NCKAP5: variants seen among roughly 807,000 people sequenced by gnomAD.
The protein encoded by NCKAP5 is nck-associated protein 5.
NCKAP5 carries 92 observed loss-of-function variants against 167.0 expected under a neutral mutation model. That is an observed-to-expected ratio of 0.55 (90% CI 0.47 to 0.66). The LOEUF is 0.66. Among genes scored for constraint, NCKAP5 ranks in the 30% least tolerant of loss-of-function variants. NCKAP5 has a pLI of 0.00. For synonymous variants in NCKAP5, 891 were observed against 877.4 expected (o/e 1.02, Z -0.27); for missense variants, 2,378 against 2,315.0 (o/e 1.03, Z -0.56).
intron 3 of NCKAP5, among the ~76,000 whole-genome samples, chr2:133,484,917 T>C (rs769701792): frequency 6.6e-5 from 10 of 152,236 alleles, no homozygotes; most frequent in Non-Finnish European, 1.5e-4. Flanking sequence ...TCAAGAAATC[T>C]AGATGGTAGT....
intron 4 of NCKAP5, among the ~76,000 whole-genome samples, chr2:133,300,148 C>T (rs1680276465): frequency 1.6e-5 from 2 of 123,420 alleles, no homozygotes; most frequent in Admixed American, 8.1e-5. Flanking sequence ...AGTTTACCAA[C>T]CAAAAAGAGT....
chr2:133,463,036 T>C (rs1412083800), intron 3 of NCKAP5, among the ~76,000 whole-genome samples: 2 of 152,230 alleles, frequency 1.3e-5, no homozygotes, highest in African/African-American at 4.8e-5. Flanking sequence ...AATATCAACA[T>C]TGGTGCACAG....
the NCKAP5 span, among the ~76,000 whole-genome samples, chr2:133,658,443 G>T: frequency 1.3e-5 from 2 of 152,122 alleles, no homozygotes; most frequent in Non-Finnish European, 2.9e-5. Flanking sequence ...AGGCAATTTG[G>T]CTCTGACTCA....
At chr2:132,779,770 A>G (rs1682863711) in intron 15 of NCKAP5, among the ~76,000 whole-genome samples, 1 of 152,214 alleles carries the variant, frequency 6.6e-6, no homozygotes, top group Admixed American at 6.5e-5. Flanking sequence ...TCTAAACATC[A>G]ATAAGTATTT....
chr2:133,463,554 C>T (rs977694000), intron 3 of NCKAP5, among the ~76,000 whole-genome samples: 7 of 152,160 alleles, frequency 4.6e-5, no homozygotes, highest in Non-Finnish European at 7.3e-5. Flanking sequence ...GGCATGAGAA[C>T]TACTTGAAAT....
chr2:133,369,630 G>T (rs1685672863), intron 3 of NCKAP5, among the ~76,000 whole-genome samples: 1 of 152,074 alleles, frequency 6.6e-6, no homozygotes, highest in Non-Finnish European at 1.5e-5. Context: ...GCAAACACAG[G>T]GGGATTAAAA....
intron 8 of NCKAP5, among the ~76,000 whole-genome samples, chr2:132,933,485 A>ATTG (rs1430076257): frequency 2.1e-4 from 32 of 152,232 alleles, no homozygotes; most frequent in African/African-American, 6.3e-4. Flanking sequence ...TAGGAATCCA[A>ATTG]GGGAAATTTT....
intron 6 of NCKAP5, among the ~76,000 whole-genome samples, chr2:133,016,312 T>C (rs1002602493): frequency 1.1e-4 from 17 of 152,192 alleles, no homozygotes; most frequent in African/African-American, 3.6e-4. Context: ...ATTTTGCAAA[T>C]GGTTGGTAAT....
intron 5 of NCKAP5, among the ~76,000 whole-genome samples, chr2:133,140,797 A>G (rs2082968652): frequency 6.7e-6 from 1 of 149,082 alleles, no homozygotes; most frequent in Non-Finnish European, 1.5e-5. Flanking sequence ...TTATATTAAC[A>G]TTAATAAAAT....
intron 16 of NCKAP5, among the ~76,000 whole-genome samples, chr2:132,749,576 G>A (rs561141482): frequency 5.3e-5 from 8 of 152,206 alleles, no homozygotes; most frequent in South Asian, 2.1e-4. Flanking sequence ...TACCATCAAC[G>A]CACTACCAAG....
chr2:132,754,858 G>C (rs1680403851), intron 16 of NCKAP5, among the ~76,000 whole-genome samples: 2 of 152,196 alleles, frequency 1.3e-5, no homozygotes, highest in Admixed American at 1.3e-4. Flanking sequence ...AGATATTAGA[G>C]TGATTCAGTC....
At chr2:133,192,879 C>G (rs1415275428) in intron 5 of NCKAP5, among the ~76,000 whole-genome samples, 1 of 152,070 alleles carries the variant, frequency 6.6e-6, no homozygotes, top group Middle Eastern at 3.2e-3. Flanking sequence ...ACTTAGCACA[C>G]TGCAATCCCT....
chr2:133,556,336 A>T (rs1687734642), intron 2 of NCKAP5, among the ~76,000 whole-genome samples: 1 of 152,236 alleles, frequency 6.6e-6, no homozygotes, highest in Non-Finnish European at 1.5e-5. Flanking sequence ...TTCTAATATG[A>T]TATGGACTGT....
At chr2:133,082,708 T>C (rs1287487244) in intron 6 of NCKAP5, among the ~76,000 whole-genome samples, 1 of 152,144 alleles carries the variant, frequency 6.6e-6, no homozygotes, top group African/African-American at 2.4e-5. Context: ...GGAAAATAAC[T>C]GTCCCTGGTG....
At chr2:133,310,495 C>G (rs1307637613) in intron 3 of NCKAP5, among the ~76,000 whole-genome samples, 1 of 152,208 alleles carries the variant, frequency 6.6e-6, no homozygotes, top group Non-Finnish European at 1.5e-5. Flanking sequence ...TGACCAGTGC[C>G]TACAGCACTT....
At chr2:133,047,409 T>C (rs1044672716) in intron 6 of NCKAP5, among the ~76,000 whole-genome samples, 2 of 152,226 alleles carry the variant, frequency 1.3e-5, no homozygotes, top group Admixed American at 1.3e-4. Context: ...CTTAAAAGTC[T>C]TCCTATGAAG....
chr2:133,332,728 A>T (rs1682943849), intron 3 of NCKAP5, among the ~76,000 whole-genome samples: 1 of 152,054 alleles, frequency 6.6e-6, no homozygotes, highest in South Asian at 2.1e-4. Flanking sequence ...AAAAAAAAAT[A>T]ATAATAAGTG....
At chr2:133,344,601 T>C (rs1683836382) in intron 3 of NCKAP5, among the ~76,000 whole-genome samples, 1 of 152,036 alleles carries the variant, frequency 6.6e-6, no homozygotes, top group Non-Finnish European at 1.5e-5. Flanking sequence ...TGCAAATCGC[T>C]GGACGCAGAG....
intron 6 of NCKAP5, among the ~76,000 whole-genome samples, chr2:133,082,485 G>GGAAGGGGATGGA (rs2080843358): frequency 6.6e-6 from 1 of 152,118 alleles, no homozygotes; most frequent in Non-Finnish European, 1.5e-5. Context: ...GTGGGTGGGT[G>GGAAGGGGATGGA]GAAGGGGATG....
Sources: allele counts gnomAD v4.1 joint callset (sites outside exome capture counted in the v4.1 genomes callset), GRCh38; gene constraint gnomAD v4.1.1; transcripts MANE v1.5; gene names NCBI Gene and HGNC (gene_info 2026-07-23, HGNC 2026-07-21).